PCDH7: variants seen among roughly 807,000 people sequenced by gnomAD.
PCDH7 encodes the protein protocadherin-7.
PCDH7 carries 17 observed loss-of-function variants against 58.9 expected under a neutral mutation model. That is an observed-to-expected ratio of 0.29 (90% CI 0.20 to 0.43). The LOEUF is 0.43. Ranked by LOEUF, PCDH7 falls within the 20% of genes least tolerant of loss-of-function variation. The probability of loss-of-function intolerance (pLI) is 1.00; values close to 1 mark genes in which losing one functional copy is unlikely to be tolerated. For missense variants in PCDH7, 1,274 were observed against 1,441.0 expected (o/e 0.88, Z 1.88); for synonymous variants, 664 against 616.4 (o/e 1.08, Z -1.14).
At chr4:31,000,057 C>G (rs1194716598) in intron 3 of PCDH7, among the ~76,000 whole-genome samples, 1 of 151,970 alleles carries the variant, frequency 6.6e-6, no homozygotes, top group Non-Finnish European at 1.5e-5. Flanking sequence ...CATATATGCT[C>G]ATTTATGTGG....
chr4:30,900,750 T>C (rs920159748), intron 1 of PCDH7, among the ~76,000 whole-genome samples: 1 of 152,178 alleles, frequency 6.6e-6, no homozygotes, highest in African/African-American at 2.4e-5. Flanking sequence ...TGCTTCATAG[T>C]GCTGTCTAGT....
intron 1 of PCDH7, among the ~76,000 whole-genome samples, chr4:30,849,938 C>A (rs372761240): frequency 1.3e-5 from 2 of 151,972 alleles, no homozygotes; most frequent in Non-Finnish European, 2.9e-5. Context: ...CTGTCAGGAC[C>A]CCAATCTTTG....
At chr4:31,074,999 C>T (rs932535739) in intron 3 of PCDH7, among the ~76,000 whole-genome samples, 1 of 151,844 alleles carries the variant, frequency 6.6e-6, no homozygotes, top group Non-Finnish European at 1.5e-5. Flanking sequence ...CTTATTAAGG[C>T]TCTGCTGAAA....
At chr4:30,872,037 A>G (rs1408899889) in intron 1 of PCDH7, among the ~76,000 whole-genome samples, 2 of 152,074 alleles carry the variant, frequency 1.3e-5, no homozygotes, top group Non-Finnish European at 2.9e-5. Flanking sequence ...TTACATCTGC[A>G]TATTTTTTCA....
chr4:30,922,042 T>C (rs933684059), intron 2 of PCDH7, among the ~76,000 whole-genome samples: 1 of 151,774 alleles, frequency 6.6e-6, no homozygotes, highest in African/African-American at 2.4e-5. Context: ...TGTAATTACA[T>C]GTATGTAGCC....
intron 1 of PCDH7, among the ~76,000 whole-genome samples, chr4:30,811,617 G>T (rs1242957702): frequency 1.3e-5 from 2 of 152,144 alleles, no homozygotes; most frequent in Non-Finnish European, 2.9e-5. Context: ...TACTTTTAGG[G>T]TCCTGTGACA....
At chr4:30,763,339 C>T (rs1577700483) in intron 1 of PCDH7, among the ~76,000 whole-genome samples, 1 of 152,318 alleles carries the variant, frequency 6.6e-6, no homozygotes, top group East Asian at 1.9e-4. Flanking sequence ...TTCTCAGAAA[C>T]ATATTGCTAT....
intron 1 of PCDH7, among the ~76,000 whole-genome samples, chr4:30,775,780 C>T (rs1721981871): frequency 6.6e-6 from 1 of 152,064 alleles, no homozygotes; most frequent in Non-Finnish European, 1.5e-5. Context: ...ATCTGTAATC[C>T]CAGCTACTCG....
At chr4:31,027,267 G>C (rs1254245670) in intron 3 of PCDH7, among the ~76,000 whole-genome samples, 2 of 152,054 alleles carry the variant, frequency 1.3e-5, no homozygotes, top group Non-Finnish European at 2.9e-5. Flanking sequence ...TATGTTCTTT[G>C]TGAGAAAAAT....
At chr4:30,932,856 C>T (rs1031787018) in intron 2 of PCDH7, among the ~76,000 whole-genome samples, 6 of 152,036 alleles carry the variant, frequency 3.9e-5, no homozygotes, top group African/African-American at 9.7e-5. Flanking sequence ...ACTGTAACAA[C>T]GGTTTATTGA....
intron 3 of PCDH7, among the ~76,000 whole-genome samples, chr4:30,975,509 A>G (rs537397134): frequency 9.9e-5 from 15 of 152,172 alleles, no homozygotes; most frequent in Non-Finnish European, 2.1e-4. Context: ...TTCAATTTTC[A>G]GCAGACACAT....
At chr4:30,859,352 G>T (rs1371843640) in intron 1 of PCDH7, among the ~76,000 whole-genome samples, 5 of 151,940 alleles carry the variant, frequency 3.3e-5, no homozygotes, top group Admixed American at 3.3e-4. Flanking sequence ...CTTGTATACT[G>T]CCCTCTGAGT....
intron 1 of PCDH7, among the ~76,000 whole-genome samples, chr4:30,792,914 G>A (rs1369849365): frequency 7.2e-5 from 11 of 152,004 alleles, no homozygotes; most frequent in Non-Finnish European, 1.5e-5. Context: ...CTAACATTCT[G>A]CTGGTTAACT....
In PCDH7 at chr4:30,921,356, G is replaced by A. The variant is rs114603588; in HGVS notation, c.287+987G>A. 8.8e-3 allele frequency among the ~76,000 whole-genome samples: 1,343 copies of A among 152,104 alleles called. 14 individuals carry two copies. Among genetic ancestry groups the A allele is most frequent in the Non-Finnish European group, 9.8e-3 (669 of 67,972 alleles). ...TCTCAACCCCCGAGTGACATAAGAC[G>A]CTCTAACTTTTTGTTATATATCCGT... On this transcript the variant is annotated intron_variant, in intron 2 of 3. Coordinates refer to the PCDH7 transcript ENST00000509759.
At chr4:30,743,748 G>A (rs561369828) in intron 1 of PCDH7, among the ~76,000 whole-genome samples, 4 of 150,542 alleles carry the variant, frequency 2.7e-5, no homozygotes, top group African/African-American at 9.7e-5. Flanking sequence ...ACACACACAC[G>A]TATACCTCAA....
At chr4:31,056,481 G>A (rs936926815) in intron 3 of PCDH7, among the ~76,000 whole-genome samples, 3 of 130,982 alleles carry the variant, frequency 2.3e-5, no homozygotes, top group Non-Finnish European at 3.2e-5. Context: ...AAGAAAGAAA[G>A]AAAGAAAGAA....
chr4:30,808,956 C>G (rs1426806923), intron 1 of PCDH7, among the ~76,000 whole-genome samples: 1 of 152,152 alleles, frequency 6.6e-6, no homozygotes, highest in Non-Finnish European at 1.5e-5. Context: ...AAGCACCCAT[C>G]TGGTAATTCT....
intron 3 of PCDH7, among the ~76,000 whole-genome samples, chr4:31,076,515 GT>G (rs1759003076): frequency 6.6e-6 from 1 of 152,094 alleles, no homozygotes; most frequent in Non-Finnish European, 1.5e-5. Flanking sequence ...TACCACTGGT[GT>G]TGAAGCTTTC....
rs564705441 is a variant in PCDH7 at position 30,788,311 on chromosome 4, A to G, written c.70+63715A>G. On this transcript the variant is annotated intron_variant, in intron 1 of 3. Transcript: ENST00000509759. ...TGTTTTTGTGTAGTCACCATGTGCC[A>G]TAATAATTTTGAAACTGTTCTTCTC... 7.8e-4 allele frequency among the ~76,000 whole-genome samples: 118 copies of G among 152,240 alleles called. 1 individual carries two copies. Among genetic ancestry groups the G allele is most frequent in the African/African-American group, 2.6e-3 (109 of 41,568 alleles).
Sources: gnomAD v4.1 joint callset for allele counts (sites outside exome capture counted in the v4.1 genomes callset) on GRCh38, gnomAD v4.1.1 for gene constraint, MANE v1.5 for transcripts, NCBI Gene and HGNC (gene_info 2026-07-23, HGNC 2026-07-21) for gene names.